The following PCDH11X variants were observed in gnomAD, a reference collection of about 807,000 sequenced individuals.
PCDH11X encodes the protein protocadherin 11 X-linked.
PCDH11X carries 18 observed loss-of-function variants against 53.3 expected under a neutral mutation model. That is an observed-to-expected ratio of 0.34 (90% CI 0.23 to 0.50). The LOEUF is 0.50. Ranked by LOEUF, PCDH11X falls within the 20% of genes least tolerant of loss-of-function variation. The pLI, the probability that PCDH11X is intolerant of heterozygous loss-of-function variation, is 0.98. For synonymous variants in PCDH11X, 279 were observed against 393.3 expected, an observed-to-expected ratio of 0.71 and a Z score of 3.44; for missense variants, 570 against 1,032.4, an observed-to-expected ratio of 0.55 and a Z score of 6.14.
At chrX:92,162,887 C>T (rs2065667380) in intron 6 of PCDH11X, among the ~76,000 whole-genome samples, 1 of 108,155 alleles carries the variant, frequency 9.2e-6, no homozygotes, top group Non-Finnish European at 1.9e-5. Context: ...GCACAGGGCC[C>T]TAGAACTCCC....
At chrX:92,594,225 C>A (rs1925328380) in intron 10 of PCDH11X, among the ~76,000 whole-genome samples, 1 of 107,093 alleles carries the variant, frequency 9.3e-6, no homozygotes, top group African/African-American at 3.4e-5. Context: ...TTTGTAATAT[C>A]AAGTGTTTAA....
At chrX:92,437,139 G>A (rs1488786771) in intron 9 of PCDH11X, among the ~76,000 whole-genome samples, 3 of 110,251 alleles carry the variant, frequency 2.7e-5, no homozygotes, top group Admixed American at 9.7e-5. Flanking sequence ...TACTCTGTAC[G>A]CACAAAAATT....
At chrX:91,833,873 T>C (rs1349115291) in intron 4 of PCDH11X, among the ~76,000 whole-genome samples, 1 of 111,729 alleles carries the variant, frequency 9.0e-6, no homozygotes, top group Non-Finnish European at 1.9e-5. Flanking sequence ...GTTATTTATA[T>C]CATATGTAGT....
chrX:92,268,799 T>C (rs1236337162), intron 8 of PCDH11X, among the ~76,000 whole-genome samples: 5 of 112,002 alleles, frequency 4.5e-5, no homozygotes, highest in African/African-American at 1.6e-4. Context: ...TCTATGCTAG[T>C]GTCATGCTTG....
At chrX:92,532,646 T>G (rs1474247560) in intron 10 of PCDH11X, among the ~76,000 whole-genome samples, 1 of 69,487 alleles carries the variant, frequency 1.4e-5, no homozygotes, top group East Asian at 8.5e-4. Flanking sequence ...AAGAAAGTTC[T>G]CCTCCTTCAT....
intron 8 of PCDH11X, among the ~76,000 whole-genome samples, chrX:92,344,711 T>C (rs926135253): frequency 2.9e-5 from 3 of 102,309 alleles, no homozygotes; most frequent in African/African-American, 1.1e-4. Flanking sequence ...CAAGAACATT[T>C]TGATTGTAAG....
intron 6 of PCDH11X, among the ~76,000 whole-genome samples, chrX:92,130,109 G>A (rs1334889113): frequency 2.7e-5 from 3 of 111,234 alleles, no homozygotes; most frequent in Non-Finnish European, 3.8e-5. Flanking sequence ...ATGCACATAT[G>A]TAACATCAGG....
At chrX:92,588,993 C>T (rs985259928) in intron 10 of PCDH11X, among the ~76,000 whole-genome samples, 1 of 110,978 alleles carries the variant, frequency 9.0e-6, no homozygotes, top group Non-Finnish European at 1.9e-5. Flanking sequence ...CCCTACAGGC[C>T]AGGATAGACT....
intron 8 of PCDH11X, among the ~76,000 whole-genome samples, chrX:92,345,100 T>G (rs1171282038): frequency 9.0e-6 from 1 of 111,371 alleles, no homozygotes; most frequent in Non-Finnish European, 1.9e-5. Context: ...CTACTTGTCT[T>G]GATTTTTGAG....
At chrX:91,954,888 A>C (rs1021408399) in intron 6 of PCDH11X, among the ~76,000 whole-genome samples, 2 of 108,448 alleles carry the variant, frequency 1.8e-5, no homozygotes, top group Non-Finnish European at 3.8e-5. Flanking sequence ...AGATTGCAAA[A>C]ATTTTCTCCC....
At chrX:92,239,174 A>G (rs2067221362) in intron 7 of PCDH11X, among the ~76,000 whole-genome samples, 1 of 111,758 alleles carries the variant, frequency 8.9e-6, no homozygotes, top group South Asian at 3.7e-4. Flanking sequence ...TATTGACTCA[A>G]GAAGCAAGAA....
intron 10 of PCDH11X, among the ~76,000 whole-genome samples, chrX:92,507,116 T>TTTC (rs1281259964): frequency 9.0e-6 from 1 of 110,747 alleles, no homozygotes; most frequent in Non-Finnish European, 1.9e-5. Flanking sequence ...TCCCTCTTTT[T>TTTC]TTCTTTGAGT....
intron 6 of PCDH11X, among the ~76,000 whole-genome samples, chrX:91,961,131 T>C (rs112240380): frequency 0.069 from 5,834 of 84,820 alleles, 225 homozygotes; most frequent in African/African-American, 0.11. Flanking sequence ...ATAATGATCA[T>C]ACACCATAAT....
intron 7 of PCDH11X, among the ~76,000 whole-genome samples, chrX:92,207,042 A>T (rs1451122847): frequency 9.0e-6 from 1 of 111,662 alleles, no homozygotes; most frequent in Non-Finnish European, 1.9e-5. Flanking sequence ...AAATATTTTG[A>T]TACATAACTG....
chrX:92,069,460 A>G (rs2063665068), intron 6 of PCDH11X, among the ~76,000 whole-genome samples: 1 of 109,377 alleles, frequency 9.1e-6, no homozygotes, highest in South Asian at 3.9e-4. Flanking sequence ...AGTTTATTTT[A>G]TTTACATTCA....
chrX:91,841,166 T>A (rs767904214), intron 5 of PCDH11X, among the ~76,000 whole-genome samples: 58 of 111,624 alleles, frequency 5.2e-4, no homozygotes, highest in African/African-American at 1.8e-3. Flanking sequence ...CATAAATGAA[T>A]CTTTATTAAT....
chrX:92,347,861 C>G (rs1033396706), intron 8 of PCDH11X, among the ~76,000 whole-genome samples: 13 of 111,892 alleles, frequency 1.2e-4, no homozygotes, highest in African/African-American at 4.2e-4. Flanking sequence ...TTCTTATTTT[C>G]TCCAAGTAGC....
intron 6 of PCDH11X, among the ~76,000 whole-genome samples, chrX:92,102,994 G>A (rs936313586): frequency 3.2e-4 from 35 of 111,012 alleles, no homozygotes; most frequent in Non-Finnish European, 3.8e-4. Flanking sequence ...GGATATTGCC[G>A]TTGAGCGGGG....
At chrX:92,581,728 T>C (rs1021914989) in intron 10 of PCDH11X, among the ~76,000 whole-genome samples, 82 of 111,347 alleles carry the variant, frequency 7.4e-4, no homozygotes, top group Non-Finnish European at 1.4e-3. Context: ...CAGGCAGAGA[T>C]TGGAACAGTT....
Sources: allele counts gnomAD v4.1 joint callset (sites outside exome capture counted in the v4.1 genomes callset), GRCh38; gene constraint gnomAD v4.1.1; transcripts MANE v1.5; gene names NCBI Gene and HGNC (gene_info 2026-07-23, HGNC 2026-07-21).